The following KYNU variants were observed in gnomAD, a reference collection of about 807,000 sequenced individuals.
KYNU encodes the protein L-kynurenine hydrolase.
A neutral mutation model predicts 59.2 loss-of-function variants in KYNU; 54 were observed. The observed-to-expected ratio is 0.91, with a 90% confidence interval of 0.73 to 1.14. KYNU has a LOEUF of 1.14. Ranked by LOEUF, KYNU falls within the 50% of genes most tolerant of loss-of-function variation. The pLI is 0.00. For synonymous variants in KYNU, 177 were observed against 192.0 expected (o/e 0.92, Z 0.65); for missense variants, 567 against 554.4 (o/e 1.02, Z -0.23).
chr2:142,966,163 T>C (rs1684523939), intron 8 of KYNU, among the ~76,000 whole-genome samples: 1 of 152,078 alleles, frequency 6.6e-6, no homozygotes, highest in African/African-American at 2.4e-5. Flanking sequence ...TAATGAAAAA[T>C]ATTTTAATAA....
Position 143,045,819 on chromosome 2 carries a change from C to T in KYNU, c.*3647C>T, listed in dbSNP as rs1687156058. The T allele has an allele frequency of 6.6e-6, 1 of 152,062 alleles. No homozygotes were observed. Among genetic ancestry groups the T allele is most frequent in the African/African-American group, 2.4e-5 (1 of 41,420 alleles). 9.4% of individuals were successfully genotyped at this position (152,062 alleles called of 1,614,324 possible). A position where few individuals can be genotyped will look rare whatever the true frequency, so the allele number is the denominator to read the frequency against. ...CTGACCAGGAATTGTTTTTCAACTTCATAGTGGTAAACAAAACATATGTGT... is the reference window on the plus strand; with the variant it reads ...CTGACCAGGAATTGTTTTTCAACTTTATAGTGGTAAACAAAACATATGTGT... On this transcript the variant is annotated 3_prime_UTR_variant, in exon 14 of 14. Coordinates refer to ENST00000264170, the MANE Select transcript of KYNU (RefSeq NM_003937.3).
In KYNU at chr2:143,047,030, A is replaced by G. The variant is rs1687177241; in HGVS notation, c.*4858A>G. 6.6e-6 allele frequency: 1 copy of G among 152,050 alleles called. No individual in the cohort carries two copies. Among genetic ancestry groups the G allele is most frequent in the Non-Finnish European group, 1.5e-5 (1 of 68,002 alleles). The allele number at this position is 152,050 out of a possible 1,614,324, so 9.4% of individuals were successfully genotyped here. ...ACATTTATAGTTTGACAAATTCCTA[A>G]GTACTTCTAATTTTATTGTCATTCC... On this transcript the variant is annotated 3_prime_UTR_variant, in exon 14 of 14. Transcript: ENST00000264170.
chr2:142,997,824 T>C (rs745966491), intron 10 of KYNU, among the ~76,000 whole-genome samples: 3 of 152,170 alleles, frequency 2.0e-5, no homozygotes, highest in African/African-American at 4.8e-5. Flanking sequence ...GGAATTCATA[T>C]TGAGCATTTT....
At chr2:142,904,558 C>T (rs1213478516) in intron 2 of KYNU, among the ~76,000 whole-genome samples, 6 of 152,194 alleles carry the variant, frequency 3.9e-5, no homozygotes, top group Non-Finnish European at 8.8e-5. Context: ...ATTGTCCTAA[C>T]CCTTGTAAAG....
rs779009664 is a variant in KYNU at position 142,885,486 on chromosome 2, G to A, written c.119G>A (p.Arg40Lys). The A allele has an allele frequency of 4.3e-6, 7 of 1,613,948 alleles. No homozygotes were observed. The South Asian group carries it at 6.6e-5, about 15-fold the overall frequency. Residue 40 changes from arginine to lysine, a missense_variant, in exon 2 of 14, where the codon AGG becomes AAG. Coordinates refer to ENST00000264170, the MANE Select transcript of KYNU (RefSeq NM_003937.3). ...CACCTAGATGAGGAAGATAAGCTGA[G>A]GCACTTCAGGGAGTGCTTTTATATT... Reference protein sequence around the residue: ...ALHLDEEDKLRHFRECFYIPK... With the variant: ...ALHLDEEDKLKHFRECFYIPK...
intron 10 of KYNU, among the ~76,000 whole-genome samples, chr2:143,013,298 C>CTGTGTGTGTGTGTGTGTG (rs71301735): frequency 0.066 from 9,899 of 149,430 alleles, 406 homozygotes; most frequent in East Asian, 0.17. Context: ...GTCTCTTTCT[C>CTGTGTGTGTGTGTGTGTG]TGTGTGTGTG....
intron 8 of KYNU, among the ~76,000 whole-genome samples, chr2:142,975,717 T>C (rs935143387): frequency 1.3e-5 from 2 of 152,192 alleles, no homozygotes; most frequent in Admixed American, 1.3e-4. Context: ...ATCTCCCTAA[T>C]TCTGTGTTAG....
intron 2 of KYNU, among the ~76,000 whole-genome samples, chr2:142,893,676 A>G (rs1272083358): frequency 2.0e-5 from 3 of 152,130 alleles, no homozygotes; most frequent in African/African-American, 7.2e-5. Flanking sequence ...AAAAAAAGAG[A>G]CAGACAGACA....
chr2:142,906,177 T>A (rs541304952), intron 2 of KYNU, among the ~76,000 whole-genome samples: 5 of 152,304 alleles, frequency 3.3e-5, no homozygotes, highest in African/African-American at 9.6e-5. Flanking sequence ...GTTGACCCCA[T>A]TTGCCACTAT....
rs576991876 is a variant in KYNU, at chr2:142,931,840, G to C, written c.373+4099G>C. On this transcript the variant is annotated intron_variant, in intron 4 of 13. Coordinates refer to ENST00000264170, the MANE Select transcript of KYNU (RefSeq NM_003937.3). ...GATGTAGAGACACCTTGAATAATTT[G>C]GCTGATGAAGGCCGGCCTGTTATTG... 6.6e-5 allele frequency among the ~76,000 whole-genome samples: 10 copies of C among 152,252 alleles called. No individual in the cohort carries two copies. The South Asian group carries it at 2.1e-3, about 32-fold the overall frequency.
intron 7 of KYNU, chr2:142,957,982 A>G (rs1684225219): frequency 8.3e-6 from 3 of 361,832 alleles, no homozygotes; most frequent in Non-Finnish European, 1.5e-5. Context: ...ATATTCTTCA[A>G]TGGGATGGGA....
chr2:142,883,414 G>A (rs886584336), intron 1 of KYNU, among the ~76,000 whole-genome samples: 1 of 151,666 alleles, frequency 6.6e-6, no homozygotes, highest in African/African-American at 2.4e-5. Context: ...TAGCCAGGAC[G>A]GTCTTGATCT....
At chr2:142,977,756 C>T (rs1345458172) in intron 8 of KYNU, among the ~76,000 whole-genome samples, 1 of 152,036 alleles carries the variant, frequency 6.6e-6, no homozygotes, top group Non-Finnish European at 1.5e-5. Context: ...ACTTTAAGTA[C>T]AGCATGAACA....
chr2:142,902,280 C>T (rs551128509), intron 2 of KYNU, among the ~76,000 whole-genome samples: 10 of 152,280 alleles, frequency 6.6e-5, no homozygotes, highest in African/African-American at 2.4e-4. Context: ...TGTAAGGACT[C>T]CTGGAGCTAT....
intron 13 of KYNU, among the ~76,000 whole-genome samples, chr2:143,041,104 T>G (rs953787903): frequency 6.6e-6 from 1 of 152,008 alleles, no homozygotes; most frequent in African/African-American, 2.4e-5. Context: ...GTCACTTCTG[T>G]CAAAAAAGAT....
At chr2:142,955,141 A>C (rs1684120598) in intron 5 of KYNU, among the ~76,000 whole-genome samples, 1 of 152,088 alleles carries the variant, frequency 6.6e-6, no homozygotes, top group African/African-American at 2.4e-5. Flanking sequence ...TAGGCAAACT[A>C]CATGCAAGCC....
intron 4 of KYNU, chr2:142,946,965 T>C (rs970677435): frequency 7.4e-7 from 1 of 1,358,226 alleles, no homozygotes; most frequent in African/African-American, 1.5e-5. Flanking sequence ...CACCTTGTAC[T>C]TTTTGTATTT....
intron 4 of KYNU, chr2:142,946,983 C>A: frequency 6.9e-7 from 1 of 1,450,754 alleles, no homozygotes; most frequent in Admixed American, 2.2e-5. Context: ...TTTCAAATAG[C>A]CAACTTGAGA....
chr2:142,952,248 G>A (rs1684015923), intron 4 of KYNU, among the ~76,000 whole-genome samples: 1 of 152,082 alleles, frequency 6.6e-6, no homozygotes, highest in South Asian at 2.1e-4. Flanking sequence ...GCTGTTTTTT[G>A]TATTTTTAGT....
Sources: gnomAD v4.1 joint callset for allele counts (sites outside exome capture counted in the v4.1 genomes callset) on GRCh38, gnomAD v4.1.1 for gene constraint, MANE v1.5 for transcripts, NCBI Gene and HGNC (gene_info 2026-07-23, HGNC 2026-07-21) for gene names.